Variants in NRXN3 observed in about 807,000 individuals in gnomAD.
NRXN3 encodes neurexin 3, also known as neurexin III.
In NRXN3, 32 loss-of-function variants were observed where a neutral mutation model predicts 137.6. The observed-to-expected ratio is 0.23, with a 90% CI of 0.18 to 0.31. NRXN3 has a LOEUF of 0.31. Among genes scored for constraint, NRXN3 ranks in the 10% least tolerant of loss-of-function variants. NRXN3 has a pLI of 1.00. For synonymous variants in NRXN3, 798 were observed against 784.5 expected, an observed-to-expected ratio of 1.02 and a Z score of -0.29; for missense variants, 1,574 against 2,062.5, an observed-to-expected ratio of 0.76 and a Z score of 4.59.
intron 15 of NRXN3, among the ~76,000 whole-genome samples, chr14:79,060,542 GT>G (rs200309208): frequency 5.3e-5 from 8 of 151,254 alleles, no homozygotes; most frequent in Non-Finnish European, 8.9e-5. Context: ...AAATACTCTA[GT>G]TTTTTTTTAG....
At chr14:79,500,079 G>C (rs142083284) in intron 16 of NRXN3, among the ~76,000 whole-genome samples, 1 of 151,840 alleles carries the variant, frequency 6.6e-6, no homozygotes, top group Non-Finnish European at 1.5e-5. Context: ...ACTTATGTGC[G>C]TATTGTTTTG....
chr14:78,976,224 AGG>A (rs2153031661), intron 14 of NRXN3, among the ~76,000 whole-genome samples: 1 of 152,278 alleles, frequency 6.6e-6, no homozygotes, highest in Non-Finnish European at 1.5e-5. Flanking sequence ...TTTTTGTATT[AGG>A]TGATTAATTA....
intron 4 of NRXN3, among the ~76,000 whole-genome samples, chr14:78,303,055 G>A (rs146764535): frequency 5.3e-4 from 80 of 152,156 alleles, no homozygotes; most frequent in African/African-American, 1.8e-3. Flanking sequence ...CCCTTATATG[G>A]TCGTGTTTAC....
intron 4 of NRXN3, among the ~76,000 whole-genome samples, chr14:78,583,427 C>CA (rs150394098): frequency 2.8e-3 from 398 of 143,096 alleles, no homozygotes; most frequent in East Asian, 0.014. Flanking sequence ...CTCAATCTAT[C>CA]AAAAAAAAAA....
intron 10 of NRXN3, among the ~76,000 whole-genome samples, chr14:78,899,324 C>G (rs2152735205): frequency 6.6e-6 from 1 of 152,066 alleles, no homozygotes; most frequent in South Asian, 2.1e-4. Context: ...GCCTTGTGTT[C>G]TGGTTTTCTC....
At chr14:79,610,000 T>C (rs1419501428) in intron 16 of NRXN3, among the ~76,000 whole-genome samples, 3 of 152,018 alleles carry the variant, frequency 2.0e-5, no homozygotes, top group Non-Finnish European at 4.4e-5. Flanking sequence ...CTAATGTAGA[T>C]TACGGGTTGA....
At chr14:78,659,636 T>A (rs2097818596) in intron 6 of NRXN3, among the ~76,000 whole-genome samples, 1 of 149,944 alleles carries the variant, frequency 6.7e-6, no homozygotes. Flanking sequence ...GCCAAGATGG[T>A]GCCACTGCAC....
At chr14:79,107,253 C>A (rs1426418318) in intron 15 of NRXN3, among the ~76,000 whole-genome samples, 4 of 152,070 alleles carry the variant, frequency 2.6e-5, no homozygotes, top group African/African-American at 9.7e-5. Context: ...GCAGACACAC[C>A]TACTTCCTAA....
chr14:79,749,112 T>C (rs192200412), intron 19 of NRXN3, among the ~76,000 whole-genome samples: 116 of 152,232 alleles, frequency 7.6e-4, no homozygotes, highest in African/African-American at 2.7e-3. Flanking sequence ...GCTTGAAAGT[T>C]CTCACCCAGC....
At chr14:78,676,533 A>C (rs2152729913) in intron 6 of NRXN3, among the ~76,000 whole-genome samples, 1 of 152,246 alleles carries the variant, frequency 6.6e-6, no homozygotes, top group African/African-American at 2.4e-5. Flanking sequence ...GAAATTAGTA[A>C]AGGTTAGTTC....
chr14:79,397,760 C>A (rs887859712), intron 15 of NRXN3, among the ~76,000 whole-genome samples: 3 of 151,920 alleles, frequency 2.0e-5, no homozygotes, highest in African/African-American at 7.3e-5. Context: ...GTAAGTTTTA[C>A]AACCTGTGAG....
At chr14:79,481,912 G>T (rs1302272773) in intron 16 of NRXN3, among the ~76,000 whole-genome samples, 1 of 152,090 alleles carries the variant, frequency 6.6e-6, no homozygotes, top group Non-Finnish European at 1.5e-5. Context: ...CCACAGGACT[G>T]GTTGAGTCAA....
chr14:78,712,545 T>C (rs1330880235), intron 7 of NRXN3, among the ~76,000 whole-genome samples: 1 of 152,208 alleles, frequency 6.6e-6, no homozygotes, highest in Non-Finnish European at 1.5e-5. Flanking sequence ...TTATTTATTG[T>C]TTTTAACTTT....
chr14:79,554,037 G>A (rs1017661447), intron 16 of NRXN3, among the ~76,000 whole-genome samples: 1 of 152,168 alleles, frequency 6.6e-6, no homozygotes, highest in African/African-American at 2.4e-5. Context: ...AAGGTCAGTT[G>A]TAATGCGCAT....
At chr14:78,930,722 G>T (rs2099319221) in intron 10 of NRXN3, among the ~76,000 whole-genome samples, 1 of 152,178 alleles carries the variant, frequency 6.6e-6, no homozygotes, top group African/African-American at 2.4e-5. Context: ...GCTAAGTGGG[G>T]AGCCAGCATT....
chr14:78,279,066 G>T (rs1596690418), intron 3 of NRXN3, among the ~76,000 whole-genome samples: 1 of 152,292 alleles, frequency 6.6e-6, no homozygotes, highest in East Asian at 1.9e-4. Context: ...GACATACGTA[G>T]CATGGAAAAT....
At chr14:78,794,428 T>A (rs981387770) in intron 8 of NRXN3, among the ~76,000 whole-genome samples, 9 of 152,218 alleles carry the variant, frequency 5.9e-5, no homozygotes, top group African/African-American at 2.2e-4. Flanking sequence ...ACACCAGTTG[T>A]CTTATGTGTT....
chr14:79,814,921 G>A (rs2099247111), intron 20 of NRXN3, among the ~76,000 whole-genome samples: 1 of 152,140 alleles, frequency 6.6e-6, no homozygotes, highest in South Asian at 2.1e-4. Flanking sequence ...TAACTCACTG[G>A]TTCCACCTCA....
intron 4 of NRXN3, among the ~76,000 whole-genome samples, chr14:78,631,575 GTTACAAAAC>G (rs2097523456): frequency 6.6e-6 from 1 of 152,186 alleles, no homozygotes; most frequent in Non-Finnish European, 1.5e-5. Context: ...GTCTTTACAA[GTTACAAAAC>G]TAAACCAATT....
Sources: allele counts gnomAD v4.1 joint callset (sites outside exome capture counted in the v4.1 genomes callset), GRCh38; gene constraint gnomAD v4.1.1; transcripts MANE v1.5; gene names NCBI Gene and HGNC (gene_info 2026-07-23, HGNC 2026-07-21).